PWWP2A: variants seen among roughly 807,000 people sequenced by gnomAD.
The protein encoded by PWWP2A is PWWP domain containing 2A, also known as PWWP domain-containing protein 2A.
PWWP2A carries 18 observed loss-of-function variants against 48.5 expected under a neutral mutation model. That is an observed-to-expected ratio of 0.37 (90% CI 0.26 to 0.55). The LOEUF (loss-of-function observed/expected upper bound fraction) is 0.55. PWWP2A is among the 20% of genes least tolerant of loss of function. PWWP2A has a pLI of 0.81. For synonymous variants in PWWP2A, 396 were observed against 387.7 expected, an observed-to-expected ratio of 1.02 and a Z score of -0.25; for missense variants, 867 against 976.4, an observed-to-expected ratio of 0.89 and a Z score of 1.49.
At chr5:160,118,732 G>A in intron 1 of PWWP2A, 73 bp downstream of exon 1, 3 of 1,321,636 alleles carry the variant, frequency 2.3e-6, no homozygotes, top group Non-Finnish European at 2.9e-6. Context: ...GGCTCGGGGA[G>A]AGGGGGCCGC....
intron 1 of PWWP2A, among the ~76,000 whole-genome samples, chr5:160,114,489 C>CG (rs1223783568): frequency 6.6e-5 from 10 of 151,326 alleles, no homozygotes; most frequent in Non-Finnish European, 1.2e-4. Context: ...AGGCCAGGCA[C>CG]AGTGGCTCAT....
chr5:160,101,873 G>A (rs1022656068), intron 1 of PWWP2A, among the ~76,000 whole-genome samples: 1 of 151,910 alleles, frequency 6.6e-6, no homozygotes, highest in African/African-American at 2.4e-5. Flanking sequence ...CACTTTGGGA[G>A]GCCAAGGCAG....
At chr5:160,100,576 G>C (rs532913455) in intron 1 of PWWP2A, among the ~76,000 whole-genome samples, 1 of 152,284 alleles carries the variant, frequency 6.6e-6, no homozygotes, top group South Asian at 2.1e-4. Context: ...CGACCAGCCT[G>C]GTCAACATAG....
downstream of PWWP2A, among the ~76,000 whole-genome samples, chr5:160,057,948 G>A (rs891253499): frequency 5.3e-5 from 8 of 152,110 alleles, no homozygotes; most frequent in Admixed American, 2.6e-4. This position sits in a 1 kb window ranked among gnomAD's most constrained non-coding sequence, Gnocchi z 4.4. Context: ...TTCTATTTTT[G>A]TAGAGATGGG....
Position 160,092,452 on chromosome 5 carries a change from G to A in PWWP2A, c.2198C>T (p.Thr733Ile). ...CTGCTTGGCAGCCTTAGCTGCCTCT[G>A]TGATAGCCTTGCGATACAGGCCCTT... Reference protein sequence around the residue: ...KRKGLYRKAITEAAKAAKQLT... With the variant: ...KRKGLYRKAIIEAAKAAKQLT... The change falls in exon 2 of 2, where the codon ACA becomes ATA. Residue 733 changes from threonine to isoleucine, a missense_variant. Transcript: ENST00000307063. The A allele has an allele frequency of 6.4e-7, 1 of 1,551,656 alleles. No individual in the cohort carries two copies. The highest frequency in any genetic ancestry group is 1.2e-5 in the South Asian group (1 of 84,064).
intron 1 of PWWP2A, among the ~76,000 whole-genome samples, chr5:160,109,818 T>TAAA (rs1363614953): frequency 8.9e-6 from 1 of 111,974 alleles, no homozygotes; most frequent in African/African-American, 3.4e-5. Flanking sequence ...TAAAATAATA[T>TAAA]AATAATATAT....
intron 1 of PWWP2A, among the ~76,000 whole-genome samples, chr5:160,109,774 A>ATTATATATATATATATAT (rs1284977515): frequency 4.0e-5 from 1 of 25,236 alleles, no homozygotes; most frequent in Non-Finnish European, 7.1e-5. Flanking sequence ...AAAAAAAAAA[A>ATTATATATATATATATAT]ATATATATAT....
chr5:160,045,416 G>A, the PWWP2A span, among the ~76,000 whole-genome samples: 1 of 141,100 alleles, frequency 7.1e-6, no homozygotes, highest in South Asian at 2.3e-4. Context: ...TATCAATATG[G>A]TTTGTTTGTA....
chr5:160,070,071 A>T (rs910328465), intron 2 of PWWP2A, among the ~76,000 whole-genome samples: 1 of 152,194 alleles, frequency 6.6e-6, no homozygotes, highest in Non-Finnish European at 1.5e-5. Context: ...ATTCATACTC[A>T]TATGGTGGTC....
chr5:160,111,083 G>A (rs1340310443), intron 1 of PWWP2A, among the ~76,000 whole-genome samples: 1 of 152,022 alleles, frequency 6.6e-6, no homozygotes, highest in Non-Finnish European at 1.5e-5. Context: ...ACTGTGGGAG[G>A]GCAAGGAGGG....
intron 1 of PWWP2A, among the ~76,000 whole-genome samples, chr5:160,110,316 A>G (rs964194354): frequency 1.3e-5 from 2 of 152,088 alleles, no homozygotes; most frequent in African/African-American, 2.4e-5. Context: ...ACATTTTAAC[A>G]GTGACTGAAT....
At chr5:160,085,877 G>A (rs983333964) in intron 2 of PWWP2A, among the ~76,000 whole-genome samples, 15 of 151,052 alleles carry the variant, frequency 9.9e-5, no homozygotes, top group Admixed American at 5.3e-4. Context: ...GGAATGCAGC[G>A]GCACAATCCT....
chr5:160,049,638 A>G, the PWWP2A span: 2 of 1,587,698 alleles, frequency 1.3e-6, no homozygotes, highest in Admixed American at 1.9e-5. Flanking sequence ...ATCCATCAAT[A>G]CATCAAGCAA....
intron 2 of PWWP2A, among the ~76,000 whole-genome samples, chr5:160,069,602 C>CT (rs1753694826): frequency 6.6e-6 from 1 of 152,152 alleles, no homozygotes; most frequent in Non-Finnish European, 1.5e-5. Flanking sequence ...TGGCTCAAGC[C>CT]TGTGTAATCC....
At chr5:160,051,054 C>T in the PWWP2A span, 24 of 1,242,226 alleles carry the variant, frequency 1.9e-5, no homozygotes, top group Non-Finnish European at 2.7e-5. Context: ...TTGTGTTTCT[C>T]AAATTCAAAA....
the PWWP2A span, among the ~76,000 whole-genome samples, chr5:160,053,930 A>G: frequency 6.6e-6 from 1 of 152,188 alleles, no homozygotes; most frequent in East Asian, 1.9e-4. Context: ...TTTCTAGCCC[A>G]TCATTTATAA....
intron 1 of PWWP2A, among the ~76,000 whole-genome samples, chr5:160,100,192 T>C (rs1359358861): frequency 6.6e-6 from 1 of 151,794 alleles, no homozygotes; most frequent in Non-Finnish European, 1.5e-5. Context: ...TCCCAGCTAC[T>C]GGGGAGGCTC....
Position 160,093,232 on chromosome 5 carries a change from C to A in PWWP2A, c.1418G>T (p.Arg473Leu). 1 of 1,613,962 alleles carries A rather than the reference C, an allele frequency of 6.2e-7. No homozygotes were observed. Residue 473 changes from arginine to leucine, a missense_variant, in exon 2 of 2, where the codon CGG becomes CTG. Arg to Leu is a moderately radical substitution (Grantham distance 102). Transcript: ENST00000307063. This position sits in a 1 kb window ranked among gnomAD's most constrained non-coding sequence, Gnocchi z 5.8. ...GTACCTCTGTGGTTTTAAACGAACC[C>A]GGGGTGGAAGGGAACCTGAGCTAGG... ...QNPSSGSLPP[R>L]VRLKPQRYRN...
intron 1 of PWWP2A, among the ~76,000 whole-genome samples, chr5:160,118,339 A>G (rs537606077): frequency 1.9e-4 from 29 of 152,302 alleles, no homozygotes; most frequent in Admixed American, 1.2e-3. Context: ...GGGAACCCCA[A>G]TGTACACACC....
Sources: gnomAD v4.1 joint callset for allele counts (sites outside exome capture counted in the v4.1 genomes callset) on GRCh38, gnomAD v4.1.1 for gene constraint, Gnocchi (gnomAD v3.1) non-coding constraint, MANE v1.5 for transcripts, NCBI Gene and HGNC (gene_info 2026-07-23, HGNC 2026-07-21) for gene names.